NDUFA12: variants seen among roughly 807,000 people sequenced by gnomAD.
NDUFA12 encodes the protein NADH:ubiquinone oxidoreductase subunit A12.
In NDUFA12, 17 loss-of-function variants were observed where a neutral mutation model predicts 20.3. That is an observed-to-expected ratio of 0.84 (90% CI 0.57 to 1.26). The LOEUF (loss-of-function observed/expected upper bound fraction) is 1.26, where lower values mean the gene tolerates loss of function less well. Ranked by LOEUF, NDUFA12 falls within the 50% of genes most tolerant of loss-of-function variation. The pLI, the probability that NDUFA12 is intolerant of heterozygous loss-of-function variation, is 0.00. For synonymous variants in NDUFA12, 72 were observed against 63.6 expected (o/e 1.13, Z -0.63); for missense variants, 191 against 183.7 (o/e 1.04, Z -0.23).
At chr12:94,992,767 T>C (rs986851029) in intron 3 of NDUFA12, among the ~76,000 whole-genome samples, 2 of 152,122 alleles carry the variant, frequency 1.3e-5, no homozygotes, top group Non-Finnish European at 2.9e-5. Context: ...AGATACTAAG[T>C]GAACAAGTTT....
At chr12:94,972,089 C>A (rs1222148418) in intron 3 of NDUFA12, among the ~76,000 whole-genome samples, 1 of 152,070 alleles carries the variant, frequency 6.6e-6, no homozygotes, top group Non-Finnish European at 1.5e-5. Flanking sequence ...CCATGCCTGG[C>A]TGACTTTCAG....
rs1466511186 is a variant in NDUFA12, at chr12:95,002,208, A to G, written c.169+531T>C. Among the ~76,000 whole-genome samples the G allele has an allele frequency of 5.6e-4, 84 of 151,168 alleles. 1 individual carries two copies. Among genetic ancestry groups the G allele is most frequent in the South Asian group, 4.2e-3 (20 of 4,784 alleles). On this transcript the variant is annotated intron_variant, in intron 2 of 3. Coordinates refer to ENST00000327772, the MANE Select transcript of NDUFA12 (RefSeq NM_018838.5). ...TGTAATCCCAGCACTTTGGGGGGCC[A>G]AGGCGGGTGGATCACGAGGTCAGGA...
At chr12:94,972,612 C>T (rs1873926042) in intron 3 of NDUFA12, 1 of 314,390 alleles carries the variant, frequency 3.2e-6, no homozygotes, top group Non-Finnish European at 6.8e-6. Flanking sequence ...GTCTATAATC[C>T]CAGCACTTTG....
chr12:94,993,653 A>AAAAAAAAAC (rs1874721375), intron 3 of NDUFA12, among the ~76,000 whole-genome samples: 1 of 111,532 alleles, frequency 9.0e-6, no homozygotes, highest in African/African-American at 3.7e-5. Flanking sequence ...AAAAAAAAAA[A>AAAAAAAAAC]GCCAGGCACG....
At chr12:94,999,955 T>C (rs1874966567) in intron 2 of NDUFA12, among the ~76,000 whole-genome samples, 4 of 152,200 alleles carry the variant, frequency 2.6e-5, no homozygotes, top group Admixed American at 2.6e-4. Flanking sequence ...TACCATTCGA[T>C]CCAGCAATCC....
intron 3 of NDUFA12, among the ~76,000 whole-genome samples, chr12:94,976,634 T>C (rs767606107): frequency 3.4e-4 from 52 of 152,350 alleles, no homozygotes; most frequent in Non-Finnish European, 6.8e-4. Context: ...TTTTTTCTGA[T>C]ATAATTTCCA....
chr12:94,991,557 T>C (rs1874645697), intron 3 of NDUFA12, among the ~76,000 whole-genome samples: 1 of 151,514 alleles, frequency 6.6e-6, no homozygotes, highest in African/African-American at 2.4e-5. Context: ...GTGAAACCTG[T>C]CTGTAGTAAA....
intron 3 of NDUFA12, among the ~76,000 whole-genome samples, chr12:94,980,484 C>T (rs7311541): frequency 0.08 from 12,201 of 151,944 alleles, 565 homozygotes; most frequent in East Asian, 0.15. Flanking sequence ...CTGACCACCA[C>T]GATGTTAAGC....
At chr12:94,994,581 C>T (rs1874756537) in intron 2 of NDUFA12, among the ~76,000 whole-genome samples, 1 of 152,136 alleles carries the variant, frequency 6.6e-6, no homozygotes, top group Non-Finnish European at 1.5e-5. Context: ...AAGTGTGTTC[C>T]CAGATGTACA....
At chr12:94,975,071 T>C (rs1565812667) in intron 3 of NDUFA12, among the ~76,000 whole-genome samples, 1 of 152,204 alleles carries the variant, frequency 6.6e-6, no homozygotes, top group Non-Finnish European at 1.5e-5. Context: ...TACCCCATTT[T>C]CCATGATGTG....
At chr12:94,977,194 A>G (rs1565813119) in intron 3 of NDUFA12, among the ~76,000 whole-genome samples, 1 of 152,322 alleles carries the variant, frequency 6.6e-6, no homozygotes, top group Admixed American at 6.5e-5. Context: ...TAGAGAAATA[A>G]TATTTTAGAA....
chr12:94,995,149 TA>T (rs1874779376), intron 2 of NDUFA12, among the ~76,000 whole-genome samples: 1 of 152,148 alleles, frequency 6.6e-6, no homozygotes, highest in Non-Finnish European at 1.5e-5. Flanking sequence ...AACCAATAAG[TA>T]AAAGGTAATC....
At chr12:94,994,852 T>G (rs1874764407) in intron 2 of NDUFA12, among the ~76,000 whole-genome samples, 1 of 152,212 alleles carries the variant, frequency 6.6e-6, no homozygotes, top group Non-Finnish European at 1.5e-5. Flanking sequence ...TAACCACTAC[T>G]TATTTACACA....
intron 3 of NDUFA12, among the ~76,000 whole-genome samples, chr12:94,973,949 G>A (rs1400780868): frequency 6.8e-6 from 1 of 146,352 alleles, no homozygotes; most frequent in African/African-American, 2.5e-5. Context: ...AGTTTTACTT[G>A]CAAAACAGAC....
chr12:94,979,385 A>T (rs1874162663), intron 3 of NDUFA12, among the ~76,000 whole-genome samples: 1 of 152,134 alleles, frequency 6.6e-6, no homozygotes, highest in South Asian at 2.1e-4. Context: ...AGATTTCCAA[A>T]TTTTCTATAG....
chr12:94,972,210 G>A (rs1201918676), intron 3 of NDUFA12, among the ~76,000 whole-genome samples: 2 of 152,128 alleles, frequency 1.3e-5, no homozygotes, highest in African/African-American at 2.4e-5. Flanking sequence ...TTATAGGCAT[G>A]AGCCACCATG....
At chr12:94,985,635 A>T (rs1029310124) in intron 3 of NDUFA12, among the ~76,000 whole-genome samples, 1 of 151,008 alleles carries the variant, frequency 6.6e-6, no homozygotes, top group Non-Finnish European at 1.5e-5. Flanking sequence ...TCAAAAAAAA[A>T]AAAAAAAAAA....
chr12:94,975,350 A>C (rs1168637731), intron 3 of NDUFA12, among the ~76,000 whole-genome samples: 1 of 152,232 alleles, frequency 6.6e-6, no homozygotes, highest in Non-Finnish European at 1.5e-5. Context: ...AAAAAATTAT[A>C]GTGGCAAACA....
At chr12:94,995,472 T>C (rs1220758881) in intron 2 of NDUFA12, among the ~76,000 whole-genome samples, 1 of 152,218 alleles carries the variant, frequency 6.6e-6, no homozygotes, top group Non-Finnish European at 1.5e-5. Flanking sequence ...TCTCTCTCTC[T>C]GTATTTCTTG....
Sources: gnomAD v4.1 joint callset for allele counts (sites outside exome capture counted in the v4.1 genomes callset) on GRCh38, gnomAD v4.1.1 for gene constraint, MANE v1.5 for transcripts, NCBI Gene and HGNC (gene_info 2026-07-23, HGNC 2026-07-21) for gene names.